NAA60: variants seen among roughly 807,000 people sequenced by gnomAD.
NAA60 encodes N-alpha-acetyltransferase 60.
NAA60 carries 8 observed loss-of-function variants against 26.1 expected under a neutral mutation model. The observed-to-expected ratio is 0.31, with a 90% confidence interval of 0.18 to 0.55. The LOEUF (loss-of-function observed/expected upper bound fraction) is 0.55. NAA60 is among the 20% of genes least tolerant of loss of function. NAA60 has a pLI of 0.93. For missense variants in NAA60, 290 were observed against 311.3 expected (o/e 0.93, Z 0.51); for synonymous variants, 131 against 122.5 (o/e 1.07, Z -0.46).
chr16:3,483,850 C>T, intron 6 of NAA60: 1 of 512,200 alleles, frequency 2.0e-6, no homozygotes, highest in Non-Finnish European at 3.4e-6. Flanking sequence ...GCCGCAGCCT[C>T]CCAAATTACT....
At chr16:3,479,242 A>G (rs1456197448) in intron 3 of NAA60, among the ~76,000 whole-genome samples, 1 of 152,194 alleles carries the variant, frequency 6.6e-6, no homozygotes, top group Non-Finnish European at 1.5e-5. Context: ...CTCCGTCTCA[A>G]AAGAAAAAAA....
chr16:3,456,442 CT>C (rs577299558), intron 2 of NAA60, among the ~76,000 whole-genome samples: 152 of 147,026 alleles, frequency 1.0e-3, no homozygotes, highest in Admixed American at 1.0e-3. Flanking sequence ...GAGCAATTTC[CT>C]TTTTTTTTTT....
chr16:3,458,050 C>T lies in NAA60; in HGVS notation c.-7+9510C>T, dbSNP rs550039131. The T allele has an allele frequency of 9.1e-6, 9 of 985,242 alleles. No individual in the cohort carries two copies. In the South Asian group the frequency reaches 1.4e-4, roughly 15 times the overall value. 61.0% of individuals were successfully genotyped at this position (985,242 alleles called of 1,614,324 possible). A position where few individuals can be genotyped will look rare whatever the true frequency, so the allele number is the denominator to read the frequency against. On this transcript the variant is annotated intron_variant, in intron 2 of 7. Transcript: ENST00000407558. The stretch of plus-strand genomic sequence containing the variant: ...CGGAAGTGCCGCGGGCTGCCGCCTC[C>T]GTCCCGGCTGCGGCCCCTGCCGGTT...
intron 4 of NAA60, among the ~76,000 whole-genome samples, chr16:3,481,971 G>A (rs749991039): frequency 3.3e-5 from 5 of 152,160 alleles, no homozygotes; most frequent in Non-Finnish European, 7.4e-5. Flanking sequence ...ATGGTGGGTG[G>A]CTTTACGCAG....
chr16:3,452,272 T>G (rs188274361), intron 2 of NAA60, among the ~76,000 whole-genome samples: 455 of 152,344 alleles, frequency 3.0e-3, no homozygotes, highest in Non-Finnish European at 5.1e-3. Flanking sequence ...TTTGCCCTGC[T>G]GTAGTGGGTG....
At chr16:3,484,037 C>G (rs144442759) in intron 6 of NAA60, among the ~76,000 whole-genome samples, 1 of 152,176 alleles carries the variant, frequency 6.6e-6, no homozygotes. Context: ...TGGGTTCAAA[C>G]CTTCCTTATA....
intron 2 of NAA60, among the ~76,000 whole-genome samples, chr16:3,461,346 G>A (rs1022484837): frequency 6.6e-6 from 1 of 152,150 alleles, no homozygotes; most frequent in African/African-American, 2.4e-5. Context: ...GAGCCAGAGT[G>A]CCCCCCTGCG....
intron 4 of NAA60, among the ~76,000 whole-genome samples, chr16:3,481,828 G>A (rs982487280): frequency 2.0e-5 from 3 of 152,214 alleles, no homozygotes; most frequent in Non-Finnish European, 4.4e-5. Context: ...CAGGGAGCCT[G>A]GACAGGCTGA....
At chr16:3,469,492 C>G (rs1167328858) in intron 2 of NAA60, among the ~76,000 whole-genome samples, 3 of 147,676 alleles carry the variant, frequency 2.0e-5, no homozygotes, top group East Asian at 3.9e-4. Context: ...CGGGGCCTGT[C>G]TCTGACTTTG....
intron 3 of NAA60, among the ~76,000 whole-genome samples, chr16:3,478,925 T>G (rs2036652341): frequency 6.6e-6 from 1 of 151,980 alleles, no homozygotes; most frequent in Non-Finnish European, 1.5e-5. Flanking sequence ...ATGGAGACAG[T>G]TTCATGTCGG....
At chr16:3,483,219 T>C in intron 5 of NAA60, 144 bp from the exon 6 acceptor site, 1 of 693,410 alleles carries the variant, frequency 1.4e-6, no homozygotes, top group Non-Finnish European at 2.5e-6. Flanking sequence ...TTAGGGACTT[T>C]GACAGTGGTG....
chr16:3,484,026 T>C lies in NAA60; in HGVS notation c.572+429T>C, dbSNP rs140420374. ...AGAGATTTTTACTTTTTTTGAATAC[T>C]TGGGTTCAAACCTTCCTTATAGGAT... On this transcript the variant is annotated intron_variant, in intron 6 of 7. Coordinates refer to ENST00000407558, the MANE Select transcript of NAA60 (RefSeq NM_001083601.3). 8.7e-4 allele frequency among the ~76,000 whole-genome samples: 132 copies of C among 152,320 alleles called. No individual in the cohort carries two copies. In the East Asian group the frequency reaches 0.016, roughly 19 times the overall value.
intron 2 of NAA60, among the ~76,000 whole-genome samples, chr16:3,449,428 G>C (rs2034684267): frequency 6.6e-6 from 1 of 152,154 alleles, no homozygotes; most frequent in South Asian, 2.1e-4. Context: ...TGAGGCAGGA[G>C]AATGGTGTGA....
rs1456038830 is a variant in NAA60, at chr16:3,446,632, T to G, written c.-76-1839T>G. ...TCTTTATTATTTGTTTTTTTTTTTT[T>G]GAGACAGTCTCACTGTTGCCCAGGC... On this transcript the variant is annotated intron_variant, in intron 1 of 7. Coordinates refer to ENST00000407558, the MANE Select transcript of NAA60 (RefSeq NM_001083601.3). Among the ~76,000 whole-genome samples the G allele has an allele frequency of 2.6e-5, 4 of 150,972 alleles. No homozygotes were observed. The East Asian group carries it at 7.8e-4, about 29-fold the overall frequency.
intron 2 of NAA60, among the ~76,000 whole-genome samples, chr16:3,454,227 A>G (rs1476241078): frequency 1.3e-5 from 2 of 152,130 alleles, no homozygotes; most frequent in African/African-American, 2.4e-5. Flanking sequence ...GCAGCTGAAG[A>G]TACAGGAATT....
At position 3,476,263 on chromosome 16, in the gene NAA60, G is replaced by A; in HGVS notation, c.36G>A (p.Glu12=). 1.9e-6 allele frequency: 3 copies of A among 1,613,882 alleles called. No homozygotes were observed. Among genetic ancestry groups the A allele is most frequent in the Non-Finnish European group, 2.5e-6 (3 of 1,179,818 alleles). The change falls in exon 3 of 8, where the codon GAG becomes GAA. Residue 12 remains glutamate, a synonymous_variant. Transcript: ENST00000407558. ...TEVVPSSALS[E]VSLRLLCHDD... The stretch of plus-strand genomic sequence containing the variant: ...TGGTGCCATCCAGCGCGCTCAGCGA[G>A]GTCAGCCTGCGCCTCCTCTGCCACG...
At chr16:3,446,529 T>TG (rs2150941090) in intron 1 of NAA60, among the ~76,000 whole-genome samples, 1 of 132,508 alleles carries the variant, frequency 7.5e-6, no homozygotes, top group Admixed American at 8.0e-5. Flanking sequence ...AGACTCTGTC[T>TG]GAAAAAAAAA....
intron 2 of NAA60, chr16:3,472,221 C>T (rs2036195712): frequency 6.6e-6 from 1 of 152,224 alleles, no homozygotes; most frequent in Non-Finnish European, 1.5e-5. Flanking sequence ...TGCCCAGGAC[C>T]CACCGTTCCC....
intron 4 of NAA60, among the ~76,000 whole-genome samples, chr16:3,481,927 C>G (rs896380651): frequency 6.6e-6 from 1 of 152,132 alleles, no homozygotes; most frequent in African/African-American, 2.4e-5. Flanking sequence ...AGATTCATGA[C>G]TCCCACCCGG....
Sources: gnomAD v4.1 joint callset for allele counts (sites outside exome capture counted in the v4.1 genomes callset) on GRCh38, gnomAD v4.1.1 for gene constraint, MANE v1.5 for transcripts, NCBI Gene and HGNC (gene_info 2026-07-23, HGNC 2026-07-21) for gene names.